Variants in TCF12 observed in about 807,000 individuals in gnomAD.
TCF12 encodes the protein DNA-binding protein HTF4.
In TCF12, 45 loss-of-function variants were observed where a neutral mutation model predicts 86.0. That is an observed-to-expected ratio of 0.52 (90% CI 0.41 to 0.67). TCF12 has a LOEUF of 0.67. TCF12 is among the 30% of genes least tolerant of loss of function. The probability of loss-of-function intolerance (pLI) is 0.00; values close to 1 mark genes in which losing one functional copy is unlikely to be tolerated. For synonymous variants in TCF12, 330 were observed against 299.6 expected, an observed-to-expected ratio of 1.10 and a Z score of -1.05; for missense variants, 881 against 859.9, an observed-to-expected ratio of 1.02 and a Z score of -0.31.
At chr15:56,922,676 C>T (rs2140185194) in intron 3 of TCF12, among the ~76,000 whole-genome samples, 1 of 152,110 alleles carries the variant, frequency 6.6e-6, no homozygotes, top group East Asian at 1.9e-4. Context: ...TTTGAACTTA[C>T]ACACCTGTAG....
intron 3 of TCF12, among the ~76,000 whole-genome samples, chr15:57,028,083 C>T (rs2065926770): frequency 6.6e-6 from 1 of 152,060 alleles, no homozygotes. Flanking sequence ...TCTGCCTCAG[C>T]CTCCTGAGTA....
chr15:57,237,300 A>G (rs929867002), intron 12 of TCF12, among the ~76,000 whole-genome samples: 8 of 152,206 alleles, frequency 5.3e-5, no homozygotes, highest in Admixed American at 2.6e-4. Context: ...ACTCAATAAC[A>G]TTAGCATAAT....
chr15:57,170,660 AAT>A (rs35516503), intron 6 of TCF12, among the ~76,000 whole-genome samples: 27,133 of 50,572 alleles, frequency 0.54, 6,795 homozygotes, highest in Non-Finnish European at 0.64. Flanking sequence ...TATTATATAA[AAT>A]ATATATATAT....
intron 3 of TCF12, among the ~76,000 whole-genome samples, chr15:56,983,306 C>G (rs1317948903): frequency 6.6e-6 from 1 of 152,152 alleles, no homozygotes; most frequent in Admixed American, 6.6e-5. Flanking sequence ...CTTATTGTGG[C>G]TTGTTTGCTT....
rs145893188 is a variant in TCF12, at chr15:57,021,637, C to T, written c.149-42113C>T. Reference sequence around the variant, plus strand: ...AGAAGTGACTTGTTTGGTCTTTCTACGATTTTACCACAGTGACTGAAACCT... The same window carrying T: ...AGAAGTGACTTGTTTGGTCTTTCTATGATTTTACCACAGTGACTGAAACCT... On this transcript the variant is annotated intron_variant, in intron 3 of 20. Transcript: ENST00000333725. 1.3e-3 allele frequency among the ~76,000 whole-genome samples: 199 copies of T among 152,246 alleles called. 1 individual carries two copies. Among genetic ancestry groups the T allele is most frequent in the African/African-American group, 4.5e-3 (185 of 41,554 alleles).
Position 57,208,851 on chromosome 15 carries a change from G to A in TCF12, c.579+11026G>A, listed in dbSNP as rs539700689. On this transcript the variant is annotated intron_variant, in intron 8 of 20. Transcript: ENST00000333725. Reference sequence around the variant, plus strand: ...CCACCTCAGCCTCCTGAGTAACTGGGACTACAGGCACATGCCACTACACCT... The same window carrying A: ...CCACCTCAGCCTCCTGAGTAACTGGAACTACAGGCACATGCCACTACACCT... Among the ~76,000 whole-genome samples the A allele has an allele frequency of 1.7e-3, 259 of 151,950 alleles. 1 individual carries two copies. Among genetic ancestry groups the A allele is most frequent in the African/African-American group, 6.0e-3 (248 of 41,426 alleles).
chr15:57,058,904 A>G (rs1456948939), intron 3 of TCF12, among the ~76,000 whole-genome samples: 1 of 152,192 alleles, frequency 6.6e-6, no homozygotes, highest in Admixed American at 6.5e-5. Context: ...TTTTAGGTGT[A>G]TATTAGTTTA....
At position 57,208,017 on chromosome 15, in the gene TCF12, C is replaced by T. The variant is rs867614824; in HGVS notation, c.579+10192C>T. Among the ~76,000 whole-genome samples the T allele has an allele frequency of 2.7e-4, 40 of 150,018 alleles. No individual in the cohort carries two copies. The Middle Eastern group carries it at 0.014, about 51-fold the overall frequency. On this transcript the variant is annotated intron_variant, in intron 8 of 20. Transcript: ENST00000333725. ...GATTTAAATATGAATAAAATATGGACCCTGACTTCAAGATTCTTTTTTTTT... is the reference window on the plus strand; with the variant it reads ...GATTTAAATATGAATAAAATATGGATCCTGACTTCAAGATTCTTTTTTTTT...
intron 8 of TCF12, chr15:57,219,690 CT>C: frequency 1.1e-6 from 1 of 947,150 alleles, no homozygotes; most frequent in Non-Finnish European, 1.6e-6. Flanking sequence ...TTGTTTTATC[CT>C]TTTATGCAAT....
chr15:57,083,738 C>T (rs2048456985), intron 4 of TCF12, among the ~76,000 whole-genome samples: 1 of 152,082 alleles, frequency 6.6e-6, no homozygotes, highest in Non-Finnish European at 1.5e-5. Flanking sequence ...GTGTATTCCA[C>T]CATATCTGGC....
chr15:57,053,819 TGAA>T (rs2067802254), intron 3 of TCF12, among the ~76,000 whole-genome samples: 1 of 152,074 alleles, frequency 6.6e-6, no homozygotes, highest in Non-Finnish European at 1.5e-5. Flanking sequence ...ATCAAAGAAA[TGAA>T]GAATAAGAGT....
intron 6 of TCF12, among the ~76,000 whole-genome samples, chr15:57,186,878 T>C (rs965493454): frequency 2.6e-5 from 4 of 152,244 alleles, no homozygotes; most frequent in Admixed American, 1.3e-4. Context: ...ATTGTCTCAA[T>C]TGATGCCAAA....
Position 56,920,002 on chromosome 15 carries a change from C to G in TCF12, c.75+14C>G. On this transcript the variant is annotated intron_variant, in intron 2 of 20. Transcript: ENST00000333725. ...GACTTCAGTGCGGTATGAGAGCTTT[C>G]CATGGCATCTTGGGGTTCTGCTGAG... is the stretch of plus-strand genomic sequence containing the variant. The G allele has an allele frequency of 6.2e-7, 1 of 1,613,720 alleles. No homozygotes were observed. Among genetic ancestry groups the G allele is most frequent in the Non-Finnish European group, 8.5e-7 (1 of 1,179,774 alleles).
intron 4 of TCF12, among the ~76,000 whole-genome samples, chr15:57,066,782 A>T (rs2068915569): frequency 1.3e-5 from 2 of 152,208 alleles, no homozygotes; most frequent in African/African-American, 4.8e-5. Flanking sequence ...CAATAATATG[A>T]AACCATATTT....
At chr15:57,184,489 C>G (rs535409370) in intron 6 of TCF12, among the ~76,000 whole-genome samples, 1 of 152,102 alleles carries the variant, frequency 6.6e-6, no homozygotes, top group Non-Finnish European at 1.5e-5. Flanking sequence ...TATGTTATGA[C>G]CAGCTTCATA....
intron 13 of TCF12, chr15:57,248,197 A>G (rs1029895413): frequency 4.6e-6 from 3 of 656,410 alleles, no homozygotes; most frequent in African/African-American, 1.8e-5. Context: ...CACTGGGCCT[A>G]ATGCAGTTGC....
chr15:56,960,717 A>C (rs1196326661), intron 3 of TCF12, among the ~76,000 whole-genome samples: 1 of 152,006 alleles, frequency 6.6e-6, no homozygotes, highest in Non-Finnish European at 1.5e-5. Context: ...GGTGTAAACC[A>C]CCATGCCCGG....
At chr15:56,928,312 C>G (rs551391076) in intron 3 of TCF12, among the ~76,000 whole-genome samples, 2 of 151,710 alleles carry the variant, frequency 1.3e-5, no homozygotes, top group East Asian at 3.9e-4. Context: ...ATTGTGGTAC[C>G]TTCTAACTAG....
intron 3 of TCF12, among the ~76,000 whole-genome samples, chr15:56,937,400 C>T (rs1313753982): frequency 6.6e-6 from 1 of 151,170 alleles, no homozygotes; most frequent in Non-Finnish European, 1.5e-5. Context: ...TCTGTCTCCT[C>T]GGTTGGAGTG....
Sources: allele counts gnomAD v4.1 joint callset (sites outside exome capture counted in the v4.1 genomes callset), GRCh38; gene constraint gnomAD v4.1.1; transcripts MANE v1.5; gene names NCBI Gene and HGNC (gene_info 2026-07-23, HGNC 2026-07-21).